Variants in PCYT1B observed in about 807,000 individuals in gnomAD.
PCYT1B encodes the protein phosphate cytidylyltransferase 1B, choline, also known as choline-phosphate cytidylyltransferase B.
A neutral mutation model predicts 26.4 loss-of-function variants in PCYT1B; 10 were observed. The observed-to-expected ratio is 0.38, with a 90% CI of 0.23 to 0.64. PCYT1B has a LOEUF of 0.64. Ranked by LOEUF, PCYT1B falls within the 30% of genes least tolerant of loss-of-function variation. The pLI is 0.56. For synonymous variants in PCYT1B, 131 were observed against 108.4 expected, an observed-to-expected ratio of 1.21 and a Z score of -1.29; for missense variants, 161 against 292.7, an observed-to-expected ratio of 0.55 and a Z score of 3.28.
At chrX:24,656,365 T>C (rs1190366904) in intron 1 of PCYT1B, among the ~76,000 whole-genome samples, 2 of 108,230 alleles carry the variant, frequency 1.8e-5, no homozygotes, top group Middle Eastern at 4.7e-3. Context: ...AAAATTTGAA[T>C]GTAAGTGCAG....
chrX:24,636,325 C>T (rs1030064379), intron 1 of PCYT1B, among the ~76,000 whole-genome samples: 4 of 112,481 alleles, frequency 3.6e-5, no homozygotes, highest in Non-Finnish European at 7.5e-5. Flanking sequence ...GAGAAGTACA[C>T]ATATCAGCCA....
chrX:24,656,196 C>A (rs1602211813), intron 1 of PCYT1B, among the ~76,000 whole-genome samples: 1 of 39,782 alleles, frequency 2.5e-5, no homozygotes, highest in African/African-American at 1.0e-4. Context: ...TGAAAATAGT[C>A]AGGGCTTCAA....
chrX:24,624,839 C>G (rs1162071084), intron 1 of PCYT1B, among the ~76,000 whole-genome samples: 2 of 112,318 alleles, frequency 1.8e-5, no homozygotes, highest in Non-Finnish European at 3.8e-5. Flanking sequence ...GTTTCTAGGC[C>G]AAGGATACTA....
At chrX:24,582,286 T>C (rs1034458967) in intron 5 of PCYT1B, among the ~76,000 whole-genome samples, 1 of 112,441 alleles carries the variant, frequency 8.9e-6, no homozygotes, top group Non-Finnish European at 1.9e-5. Flanking sequence ...AAGACATTGA[T>C]GCCATGAGCT....
chrX:24,559,146 G>A lies in PCYT1B; in HGVS notation c.*3147C>T, dbSNP rs143567620. ...AGCCTGGCCAACATGGTGAAACCCC[G>A]TCTCTACTAAACATACAAAAATTAG... is the stretch of plus-strand genomic sequence containing the variant. On this transcript the variant is annotated 3_prime_UTR_variant, in exon 8 of 8. Transcript: ENST00000379144. 97 of 110,040 alleles carry A rather than the reference G, an allele frequency of 8.8e-4. 1 individual carries two copies. The highest frequency in any genetic ancestry group is 8.6e-3 in the East Asian group (30 of 3,484). The allele number at this position is 110,040 out of a possible 1,213,427, so 9.1% of individuals were successfully genotyped here.
intron 4 of PCYT1B, among the ~76,000 whole-genome samples, chrX:24,587,824 G>A (rs1924421196): frequency 8.9e-6 from 1 of 112,355 alleles, no homozygotes; most frequent in Non-Finnish European, 1.9e-5. Flanking sequence ...ACTTCAGTTG[G>A]GACATAAGGT....
intron 5 of PCYT1B, among the ~76,000 whole-genome samples, chrX:24,581,557 C>A (rs1343848662): frequency 8.9e-6 from 1 of 112,201 alleles, no homozygotes; most frequent in Non-Finnish European, 1.9e-5. Context: ...CAGACTAGGT[C>A]TTCTGGTGTG....
intron 1 of PCYT1B, among the ~76,000 whole-genome samples, chrX:24,667,830 C>A (rs1927159363): frequency 8.9e-6 from 1 of 111,781 alleles, no homozygotes; most frequent in Admixed American, 9.5e-5. Flanking sequence ...CAATTCCTTC[C>A]AAATAAGGAC....
At chrX:24,635,871 C>T (rs1926253002) in intron 1 of PCYT1B, among the ~76,000 whole-genome samples, 2 of 112,032 alleles carry the variant, frequency 1.8e-5, no homozygotes, top group Non-Finnish European at 3.8e-5. Context: ...TGCAAAGGCT[C>T]TGGGTCAGCT....
chrX:24,668,850 TA>T (rs1927179228), intron 1 of PCYT1B, among the ~76,000 whole-genome samples: 2 of 111,323 alleles, frequency 1.8e-5, no homozygotes, highest in African/African-American at 6.5e-5. Flanking sequence ...AATGAATAAA[TA>T]AAAATGATGT....
chrX:24,602,464 T>G (rs964197499), intron 3 of PCYT1B, among the ~76,000 whole-genome samples: 1 of 111,409 alleles, frequency 9.0e-6, no homozygotes, highest in Non-Finnish European at 1.9e-5. Context: ...ATGTAAAATT[T>G]TATCCAAACC....
chrX:24,629,589 A>AC (rs1925998087), intron 1 of PCYT1B, among the ~76,000 whole-genome samples: 1 of 98,548 alleles, frequency 1.0e-5, no homozygotes, highest in East Asian at 3.0e-4. Context: ...AAAAAAAAAA[A>AC]ACAACACGTA....
At chrX:24,607,410 T>C (rs1010235802) in intron 3 of PCYT1B, among the ~76,000 whole-genome samples, 4 of 112,360 alleles carry the variant, frequency 3.6e-5, no homozygotes, top group Non-Finnish European at 5.6e-5. Flanking sequence ...ATATTGCTTC[T>C]CTTATCCCTC....
At chrX:24,668,474 C>G (rs750186832) in intron 1 of PCYT1B, among the ~76,000 whole-genome samples, 2 of 111,269 alleles carry the variant, frequency 1.8e-5, no homozygotes, top group African/African-American at 3.3e-5. Flanking sequence ...AATAAATGGT[C>G]TCTTGAAAGA....
intron 1 of PCYT1B, among the ~76,000 whole-genome samples, chrX:24,656,224 G>T (rs1308986691): frequency 1.6e-5 from 1 of 62,121 alleles, no homozygotes; most frequent in Non-Finnish European, 3.2e-5. Flanking sequence ...TATTGCAGGG[G>T]GTCGCGGGGG....
chrX:24,650,617 C>T (rs1003314686), upstream of PCYT1B, among the ~76,000 whole-genome samples: 1 of 111,457 alleles, frequency 9.0e-6, no homozygotes, highest in African/African-American at 3.3e-5. Flanking sequence ...CCACTGTGGC[C>T]GTCCAAGAAT....
In PCYT1B at chrX:24,647,304, A is replaced by G; in HGVS notation, c.-199T>C. The G allele has an allele frequency of 9.8e-7, 1 of 1,024,111 alleles. No homozygotes were observed. Among genetic ancestry groups the G allele is most frequent in the South Asian group, 2.9e-5 (1 of 34,619 alleles). 84.4% of individuals were successfully genotyped at this position (1,024,111 alleles called of 1,213,427 possible). The stretch of plus-strand genomic sequence containing the variant: ...CTCTCTCTCTCTCTCCCAGAAGCCA[A>G]GAGGCAAGGCCTCAGTTTATCACTA... On this transcript the variant is annotated 5_prime_UTR_variant, in exon 1 of 8. Coordinates refer to ENST00000379144, the MANE Select transcript of PCYT1B (RefSeq NM_004845.5).
intron 1 of PCYT1B, among the ~76,000 whole-genome samples, chrX:24,636,717 A>G (rs1164052328): frequency 8.9e-6 from 1 of 112,407 alleles, no homozygotes; most frequent in Non-Finnish European, 1.9e-5. Context: ...CGTCCATCCC[A>G]TGCTCCTACC....
At chrX:24,563,523 G>A (rs189312200) in intron 7 of PCYT1B, among the ~76,000 whole-genome samples, 14 of 111,870 alleles carry the variant, frequency 1.3e-4, no homozygotes, top group African/African-American at 3.9e-4. Context: ...GTTGGGAAGA[G>A]GTTGCCAGAG....
Sources: gnomAD v4.1 joint callset for allele counts (sites outside exome capture counted in the v4.1 genomes callset) on GRCh38, gnomAD v4.1.1 for gene constraint, MANE v1.5 for transcripts, NCBI Gene and HGNC (gene_info 2026-07-23, HGNC 2026-07-21) for gene names.